The following ST18 variants were observed in gnomAD, a reference collection of about 807,000 sequenced individuals.
The protein encoded by ST18 is ST18 C2H2C-type zinc finger transcription factor, also known as suppression of tumorigenicity 18 protein.
A neutral mutation model predicts 110.0 loss-of-function variants in ST18; 50 were observed. The ratio of observed to expected loss-of-function variants is 0.45; its 90% CI spans 0.36 to 0.58. The LOEUF is 0.58. Ranked by LOEUF, ST18 falls within the 20% of genes least tolerant of loss-of-function variation. ST18 has a pLI of 0.00. For synonymous variants in ST18, 461 were observed against 452.4 expected (o/e 1.02, Z -0.24); for missense variants, 1,306 against 1,280.1 (o/e 1.02, Z -0.31).
chr8:52,401,855 C>A (rs2141103427), intron 2 of ST18, among the ~76,000 whole-genome samples: 1 of 152,154 alleles, frequency 6.6e-6, no homozygotes, highest in South Asian at 2.1e-4. Flanking sequence ...TGTTTCCTTG[C>A]TTTTTCATAT....
At chr8:52,286,126 T>C (rs1488235443) in intron 2 of ST18, among the ~76,000 whole-genome samples, 4 of 152,224 alleles carry the variant, frequency 2.6e-5, no homozygotes, top group Non-Finnish European at 5.9e-5. Context: ...CCTAGAATAA[T>C]TAATTGAAAT....
intron 2 of ST18, among the ~76,000 whole-genome samples, chr8:52,230,855 C>G (rs1408511765): frequency 6.6e-6 from 1 of 152,078 alleles, no homozygotes; most frequent in Non-Finnish European, 1.5e-5. Flanking sequence ...AAAGCTTTGT[C>G]TCACTGATGC....
intron 8 of ST18, among the ~76,000 whole-genome samples, chr8:52,187,155 C>T (rs1055897579): frequency 6.6e-6 from 1 of 152,142 alleles, no homozygotes; most frequent in Admixed American, 6.5e-5. Context: ...AGTCAAAGGT[C>T]CTGACTTTAA....
intron 2 of ST18, among the ~76,000 whole-genome samples, chr8:52,393,020 A>G (rs911013023): frequency 6.6e-6 from 1 of 152,060 alleles, no homozygotes; most frequent in African/African-American, 2.4e-5. Context: ...CTTTTGATTC[A>G]GTTCTGGGAA....
At chr8:52,165,506 C>T (rs2062685079) in intron 11 of ST18, among the ~76,000 whole-genome samples, 1 of 152,228 alleles carries the variant, frequency 6.6e-6, no homozygotes, top group Admixed American at 6.5e-5. Context: ...AAACTTGTAA[C>T]CTTCCCATCA....
intron 2 of ST18, among the ~76,000 whole-genome samples, chr8:52,329,637 C>A (rs977430523): frequency 6.6e-6 from 1 of 152,054 alleles, no homozygotes; most frequent in Non-Finnish European, 1.5e-5. Flanking sequence ...TGCCTGTAAT[C>A]CTAGCTACTC....
chr8:52,171,826 G>A lies in ST18; in HGVS notation c.1035C>T (p.Ile345=), dbSNP rs144551525. The A allele has an allele frequency of 3.6e-5, 58 of 1,613,668 alleles. No homozygotes were observed. The highest frequency in any genetic ancestry group is 4.3e-5 in the Non-Finnish European group (51 of 1,179,770). ...TAAAGATTTGTCTTCCACCCATGTC[G>A]ATAACTTTGGTTTGCCTCCTTTCCC... ...LAGERRQTKV[I]DMGGRQIFNN... Residue 345 remains isoleucine, a synonymous_variant, in exon 10 of 26, where the codon ATC becomes ATT. Transcript: ENST00000689386.
intron 2 of ST18, among the ~76,000 whole-genome samples, chr8:52,270,599 T>G (rs914852667): frequency 2.0e-5 from 3 of 152,212 alleles, no homozygotes; most frequent in Admixed American, 6.5e-5. Flanking sequence ...GAAATTAGTC[T>G]GATTGTAGTG....
intron 2 of ST18, among the ~76,000 whole-genome samples, chr8:52,365,555 C>T (rs1296623090): frequency 7.1e-6 from 1 of 140,384 alleles, no homozygotes; most frequent in Non-Finnish European, 1.5e-5. Flanking sequence ...ATACTGGTAA[C>T]TTTTCTCAGA....
In ST18 at chr8:52,151,313, AT is replaced by A. The variant is rs566047977; in HGVS notation, c.1807-1337del. Among the ~76,000 whole-genome samples the A allele has an allele frequency of 1.7e-3, 265 of 151,970 alleles. 1 individual carries two copies. The highest frequency in any genetic ancestry group is 6.8e-3 in the Middle Eastern group (2 of 294). On this transcript the variant is annotated intron_variant, in intron 15 of 25. Coordinates refer to ENST00000689386, the MANE Select transcript of ST18 (RefSeq NM_001352837.2). ...TGCTTATTTTACCTGCAAAGTTTGT[AT>A]TTTCAATCTCTCAGCCTATGAGATA...
At chr8:52,272,565 A>G (rs2095109937) in intron 2 of ST18, among the ~76,000 whole-genome samples, 1 of 152,200 alleles carries the variant, frequency 6.6e-6, no homozygotes, top group Non-Finnish European at 1.5e-5. Context: ...AACAAAAAAG[A>G]CAAGTGTTGC....
intron 2 of ST18, among the ~76,000 whole-genome samples, chr8:52,328,306 A>T (rs1807442431): frequency 6.6e-6 from 1 of 152,194 alleles, no homozygotes; most frequent in African/African-American, 2.4e-5. Flanking sequence ...ATAACTTGCT[A>T]TATGTAAAAT....
intron 19 of ST18, among the ~76,000 whole-genome samples, chr8:52,135,602 A>G (rs2051826431): frequency 6.6e-6 from 1 of 151,402 alleles, no homozygotes; most frequent in Non-Finnish European, 1.5e-5. Context: ...GAAAGAAAGA[A>G]AAAAGGAAAA....
chr8:52,195,950 T>G (rs777523539), intron 8 of ST18, among the ~76,000 whole-genome samples: 7 of 152,208 alleles, frequency 4.6e-5, no homozygotes, highest in Non-Finnish European at 1.0e-4. Flanking sequence ...ACCACATAGA[T>G]TCCACTTTTT....
chr8:52,362,666 C>T (rs541579856), intron 2 of ST18, among the ~76,000 whole-genome samples: 149 of 152,228 alleles, frequency 9.8e-4, no homozygotes, highest in African/African-American at 3.5e-3. Context: ...TTTTTCAGTG[C>T]CCTTTCTGAT....
At chr8:52,196,365 A>G (rs1173335834) in intron 8 of ST18, among the ~76,000 whole-genome samples, 3 of 152,208 alleles carry the variant, frequency 2.0e-5, no homozygotes, top group Non-Finnish European at 4.4e-5. Flanking sequence ...AATCACTCCC[A>G]TGAATGATGC....
chr8:52,142,005 G>A (rs115724997), intron 17 of ST18, among the ~76,000 whole-genome samples: 108 of 152,300 alleles, frequency 7.1e-4, no homozygotes, highest in African/African-American at 2.3e-3. Flanking sequence ...GTCCAGAGGT[G>A]AGGCATCCTA....
At chr8:52,188,705 T>C (rs539576088) in intron 8 of ST18, among the ~76,000 whole-genome samples, 5 of 152,056 alleles carry the variant, frequency 3.3e-5, no homozygotes, top group African/African-American at 1.2e-4. Flanking sequence ...AGATGAGAGA[T>C]GTGAGTGATT....
At chr8:52,142,883 A>T in intron 17 of ST18, 47 bp downstream of exon 17, 1 of 1,351,958 alleles carries the variant, frequency 7.4e-7, no homozygotes, top group Non-Finnish European at 1.1e-6. Flanking sequence ...ATGAACTTGA[A>T]TCTTCATTCC....
Sources: allele counts gnomAD v4.1 joint callset (sites outside exome capture counted in the v4.1 genomes callset), GRCh38; gene constraint gnomAD v4.1.1; transcripts MANE v1.5; gene names NCBI Gene and HGNC (gene_info 2026-07-23, HGNC 2026-07-21).